The following H6PD variants were observed in gnomAD, a reference collection of about 807,000 sequenced individuals.
H6PD encodes the protein hexose-6-phosphate dehydrogenase/glucose 1-dehydrogenase.
H6PD carries 48 observed loss-of-function variants against 61.2 expected under a neutral mutation model. That is an observed-to-expected ratio of 0.78 (90% CI 0.62 to 1.00). H6PD has a LOEUF of 1.00. H6PD is among the 50% of genes least tolerant of loss of function. The pLI, the probability that H6PD is intolerant of heterozygous loss-of-function variation, is 0.00. For missense variants in H6PD, 1,093 were observed against 1,065.0 expected, an observed-to-expected ratio of 1.03 and a Z score of -0.37; for synonymous variants, 480 against 457.9, an observed-to-expected ratio of 1.05 and a Z score of -0.62.
At chr1:9,248,690 ATG>A (rs1641262948) in intron 3 of H6PD, among the ~76,000 whole-genome samples, 1 of 37,244 alleles carries the variant, frequency 2.7e-5, no homozygotes, top group Non-Finnish European at 5.1e-5. Context: ...TGGGGGGACA[ATG>A]TGGGGGGTGG....
Position 9,262,113 on chromosome 1 carries a change from A to T in H6PD, c.800A>T (p.His267Leu). 6.2e-7 allele frequency: 1 copy of T among 1,614,170 alleles called. No homozygotes were observed. The highest frequency in any genetic ancestry group is 8.5e-7 in the Non-Finnish European group (1 of 1,179,998). ...GTCATTCGCGACGTCCTCCAGAACC[A>T]TCTGACGGAGGTCCTCACCCTCGTG... ...YGVIRDVLQNHLTEVLTLVAM... is the reference protein window; with the variant it reads ...YGVIRDVLQNLLTEVLTLVAM... Residue 267 changes from histidine to leucine, a missense_variant, in exon 4 of 5, where the codon CAT (histidine) becomes CTT (leucine). Transcript: ENST00000377403.
intron 4 of H6PD, 129 bp from the exon 5 acceptor site, chr1:9,263,380 A>G: frequency 2.3e-6 from 2 of 853,436 alleles, no homozygotes; most frequent in Non-Finnish European, 2.0e-6. Flanking sequence ...GCGAGGGGTG[A>G]GCATGGCAAG....
In H6PD at chr1:9,245,634, C is replaced by G. The variant is rs572686829; in HGVS notation, c.627+73C>G. 18 of 1,461,126 alleles carry G rather than the reference C, an allele frequency of 1.2e-5. No homozygotes were observed. In the South Asian group the frequency reaches 1.7e-4, roughly 14 times the overall value. 90.5% of individuals were successfully genotyped at this position (1,461,126 alleles called of 1,614,324 possible). A position where few individuals can be genotyped will look rare whatever the true frequency, so the allele number is the denominator to read the frequency against. ...GGTAGACCCCAGCAACAAAGCCGCT[C>G]GCTCATTGTGGAGCTAGGCCCCAAG... On this transcript the variant is annotated intron_variant, in intron 2 of 4. Coordinates refer to ENST00000377403, the MANE Select transcript of H6PD (RefSeq NM_004285.4). This position sits in a 1 kb window ranked among gnomAD's most constrained non-coding sequence, Gnocchi z 4.8.
Position 9,263,853 on chromosome 1 carries a change from G to A in H6PD, c.1360G>A (p.Glu454Lys). The change falls in exon 5 of 5, where the codon GAG becomes AAG. Residue 454 changes from glutamate to lysine, a missense_variant. Transcript: ENST00000377403. ...TTACTACGCCTACAGCCCTGTGCGG[G>A]AGCGGGACGCCCACTCCGTCCTCTT... ...SDYYAYSPVR[E>K]RDAHSVLLSH... is the part of the protein sequence containing the mutation. The A allele has an allele frequency of 1.2e-6, 2 of 1,613,986 alleles. No individual in the cohort carries two copies. Among genetic ancestry groups the A allele is most frequent in the East Asian group, 2.2e-5 (1 of 44,870 alleles).
At position 9,264,738 on chromosome 1, in the gene H6PD, A is replaced by G. The variant is rs1392998466; in HGVS notation, c.2245A>G (p.Arg749Gly). ...AKKVAVLVMG[R>G]MKREITTLVS... ...GAAGGTGGCAGTCCTGGTCATGGGC[A>G]GGATGAAGCGTGAGATCACCACGCT... The change falls in exon 5 of 5, where the codon AGG becomes GGG. Residue 749 changes from arginine to glycine, a missense_variant. Coordinates refer to ENST00000377403, the MANE Select transcript of H6PD (RefSeq NM_004285.4). 1.2e-6 allele frequency: 2 copies of G among 1,613,300 alleles called. No individual in the cohort carries two copies. Among genetic ancestry groups the G allele is most frequent in the South Asian group, 2.2e-5 (2 of 91,086 alleles).
At chr1:9,237,874 T>C (rs1191562273) in intron 1 of H6PD, among the ~76,000 whole-genome samples, 1 of 152,208 alleles carries the variant, frequency 6.6e-6, no homozygotes, top group Non-Finnish European at 1.5e-5. Context: ...ATAGAGCGCC[T>C]TCTGTATGCC....
At chr1:9,242,684 C>T (rs941078944) in intron 1 of H6PD, 1 of 985,358 alleles carries the variant, frequency 1.0e-6, no homozygotes, top group Admixed American at 6.1e-5. Context: ...CCCCACCTGC[C>T]CATGCCAGGA....
Position 9,264,098 on chromosome 1 carries a change from G to A in H6PD, c.1605G>A (p.Gly535=), listed in dbSNP as rs1167539247. The A allele has an allele frequency of 1.2e-6, 2 of 1,613,974 alleles. No individual in the cohort carries two copies. The highest frequency in any genetic ancestry group is 1.7e-6 in the Non-Finnish European group (2 of 1,179,988). Reference sequence around the variant, plus strand: ...CGGAGCAGCTGGTGCCAGGGCCAGGGCCGGCCCCAATGCCCAGTGACTTCC... The same window carrying A: ...CGGAGCAGCTGGTGCCAGGGCCAGGACCGGCCCCAATGCCCAGTGACTTCC... ...QQPEQLVPGP[G]PAPMPSDFQV... The change falls in exon 5 of 5, where the codon GGG becomes GGA. Residue 535 remains glycine (G), a synonymous_variant. Coordinates refer to ENST00000377403, the MANE Select transcript of H6PD (RefSeq NM_004285.4).
chr1:9,259,861 G>A (rs988551321), intron 3 of H6PD, among the ~76,000 whole-genome samples: 3 of 151,290 alleles, frequency 2.0e-5, no homozygotes, highest in African/African-American at 7.3e-5. Context: ...TTATGCTGGT[G>A]TTACGCCGGT....
intron 3 of H6PD, among the ~76,000 whole-genome samples, chr1:9,247,960 G>A (rs1430285694): frequency 6.6e-6 from 1 of 152,240 alleles, no homozygotes; most frequent in Non-Finnish European, 1.5e-5. Flanking sequence ...CAGCCGCCAG[G>A]TGAGGTGGGC....
In H6PD at chr1:9,270,805, T is replaced by G. The variant is rs1452008887; in HGVS notation, c.*5936T>G. 6.6e-6 allele frequency: 1 copy of G among 152,192 alleles called. No individual in the cohort carries two copies. Among genetic ancestry groups the G allele is most frequent in the African/African-American group, 2.4e-5 (1 of 41,422 alleles). 9.4% of individuals were successfully genotyped at this position (152,192 alleles called of 1,614,324 possible). ...GAGACTGTTCCCTTGGGTGGAGAGG[T>G]GTGGGCATGAGAGCCACCCATTGCC... is the stretch of plus-strand genomic sequence containing the variant. On this transcript the variant is annotated 3_prime_UTR_variant, in exon 5 of 5. Transcript: ENST00000377403.
intron 1 of H6PD, among the ~76,000 whole-genome samples, chr1:9,239,449 A>G (rs1170585859): frequency 6.6e-6 from 1 of 152,198 alleles, no homozygotes; most frequent in East Asian, 1.9e-4. Context: ...ATCAGAGGTC[A>G]TTGATAGCAG....
intron 1 of H6PD, among the ~76,000 whole-genome samples, chr1:9,240,933 C>T (rs1640979390): frequency 6.6e-6 from 1 of 152,112 alleles, no homozygotes; most frequent in Non-Finnish European, 1.5e-5. Context: ...GGCTGGGGTC[C>T]CCCTGTCCCT....
intron 3 of H6PD, among the ~76,000 whole-genome samples, chr1:9,253,171 G>A (rs1414200456): frequency 2.6e-5 from 4 of 152,130 alleles, no homozygotes; most frequent in Non-Finnish European, 4.4e-5. Context: ...CTGAAAAGAC[G>A]GAGCCAACCA....
intron 1 of H6PD, among the ~76,000 whole-genome samples, chr1:9,238,795 T>A (rs1009190960): frequency 6.6e-6 from 1 of 152,130 alleles, no homozygotes; most frequent in Non-Finnish European, 1.5e-5. Context: ...TAGGCAGTTG[T>A]GTGCTGGTAA....
Position 9,255,279 on chromosome 1 carries a change from A to T in H6PD, c.746-6780A>T, listed in dbSNP as rs555627783. ...GCCAATAACTCTTATTTATTTATTT[A>T]TTTTTTATTTTTTATTTTTGGAGAC... On this transcript the variant is annotated intron_variant, in intron 3 of 4. Transcript: ENST00000377403. 1.5e-4 allele frequency among the ~76,000 whole-genome samples: 22 copies of T among 151,650 alleles called. 1 individual carries two copies. Among genetic ancestry groups the T allele is most frequent in the Admixed American group, 3.9e-4 (6 of 15,218 alleles).
intron 4 of H6PD, 105 bp from the exon 5 acceptor site, chr1:9,263,404 C>CTGAGGCAG (rs77405831): frequency 0.14 from 147,241 of 1,083,566 alleles, 11,428 homozygotes; most frequent in South Asian, 0.26. Context: ...AGGGGCTTCC[C>CTGAGGCAG]TGAGGCAGGG....
At chr1:9,246,110 T>G (rs1641167184) in intron 2 of H6PD, among the ~76,000 whole-genome samples, 1 of 152,048 alleles carries the variant, frequency 6.6e-6, no homozygotes, top group Non-Finnish European at 1.5e-5. Context: ...GCCCGGCTAA[T>G]TTTTTGCATT....
At chr1:9,242,104 T>C (rs770867150) in intron 1 of H6PD, among the ~76,000 whole-genome samples, 4 of 152,134 alleles carry the variant, frequency 2.6e-5, no homozygotes, top group Non-Finnish European at 5.9e-5. Context: ...GTCTCTGTCT[T>C]GAGAAAGGGA....
Sources: allele counts gnomAD v4.1 joint callset (sites outside exome capture counted in the v4.1 genomes callset), GRCh38; gene constraint gnomAD v4.1.1; non-coding constraint Gnocchi (gnomAD v3.1); transcripts MANE v1.5; gene names NCBI Gene and HGNC (gene_info 2026-07-23, HGNC 2026-07-21).